The following NEK1 variants were observed in gnomAD, a reference collection of about 807,000 sequenced individuals.
NEK1 encodes NIMA related kinase 1, also known as serine/threonine-protein kinase Nek1.
NEK1 carries 137 observed loss-of-function variants against 182.1 expected under a neutral mutation model. That is an observed-to-expected ratio of 0.75 (90% CI 0.65 to 0.87). The LOEUF is 0.87. Ranked by LOEUF, NEK1 falls within the 40% of genes least tolerant of loss-of-function variation. The pLI is 0.00. For missense variants in NEK1, 1,391 were observed against 1,494.4 expected (o/e 0.93, Z 1.14); for synonymous variants, 513 against 492.2 (o/e 1.04, Z -0.56).
chr4:169,477,810 G>A (rs902540474), intron 24 of NEK1, among the ~76,000 whole-genome samples: 1 of 147,036 alleles, frequency 6.8e-6, no homozygotes, highest in Non-Finnish European at 1.5e-5. Context: ...GAAAATTAGA[G>A]GAAAAAGTAG....
intron 18 of NEK1, among the ~76,000 whole-genome samples, chr4:169,547,446 G>T (rs1037946833): frequency 3.3e-5 from 5 of 152,062 alleles, no homozygotes; most frequent in Non-Finnish European, 7.4e-5. Context: ...TGACAATTAT[G>T]TGTCTTGGGG....
chr4:169,583,705 CA>C (rs1262190004), intron 10 of NEK1, among the ~76,000 whole-genome samples: 1 of 151,900 alleles, frequency 6.6e-6, no homozygotes, highest in Non-Finnish European at 1.5e-5. Flanking sequence ...TAGTGGCTGC[CA>C]AAAAAACAAT....
At chr4:169,607,414 G>C (rs1771531443) in intron 2 of NEK1, among the ~76,000 whole-genome samples, 1 of 152,028 alleles carries the variant, frequency 6.6e-6, no homozygotes, top group Non-Finnish European at 1.5e-5. Context: ...GGATAAAACA[G>C]ATTTTTTAAA....
chr4:169,493,612 A>G (rs954087677), intron 23 of NEK1, among the ~76,000 whole-genome samples: 2 of 152,224 alleles, frequency 1.3e-5, no homozygotes, highest in Non-Finnish European at 2.9e-5. Context: ...AACTTTTGGA[A>G]TTAAAAAACT....
At chr4:169,539,816 A>G (rs573797881) in intron 18 of NEK1, among the ~76,000 whole-genome samples, 2 of 152,236 alleles carry the variant, frequency 1.3e-5, no homozygotes, top group South Asian at 4.1e-4. Context: ...TCTGCTGTGT[A>G]TCCTGATTGT....
intron 35 of NEK1, among the ~76,000 whole-genome samples, chr4:169,396,850 T>C (rs747600699): frequency 6.6e-6 from 1 of 152,008 alleles, no homozygotes; most frequent in Non-Finnish European, 1.5e-5. Flanking sequence ...ACACAGAAAA[T>C]AAAAGTGTGT....
chr4:169,506,893 G>A, intron 23 of NEK1, 144 bp downstream of exon 23: 1 of 433,032 alleles, frequency 2.3e-6, no homozygotes, highest in Non-Finnish European at 4.0e-6. Flanking sequence ...AAAGAGAGAG[G>A]TAATGAGAAA....
intron 12 of NEK1, 160 bp downstream of exon 12, chr4:169,576,768 G>A (rs888626963): frequency 2.3e-5 from 14 of 620,558 alleles, no homozygotes; most frequent in Non-Finnish European, 3.5e-5. Context: ...ACTCCTGTAA[G>A]GCTTCTCAGT....
chr4:169,424,663 C>T lies in NEK1; in HGVS notation c.3112G>A (p.Glu1038Lys). Reference protein sequence around the residue: ...PQVQSVQCSPEESFAFRSHSH... With the variant: ...PQVQSVQCSPKESFAFRSHSH... ...TGAGATCGAAATGCAAAGGATTCTTCTGGTGAACACTGAACTGATTGAACT... is the reference window on the plus strand; with the variant it reads ...TGAGATCGAAATGCAAAGGATTCTTTTGGTGAACACTGAACTGATTGAACT... Residue 1038 changes from glutamate (E) to lysine (K), a missense_variant, in exon 31 of 36, where the codon GAA becomes AAA. Coordinates refer to ENST00000507142, the MANE Select transcript of NEK1 (RefSeq NM_001199397.3). 1 of 1,613,746 alleles carries T rather than the reference C, an allele frequency of 6.2e-7. No individual in the cohort carries two copies. The highest frequency in any genetic ancestry group is 8.5e-7 in the Non-Finnish European group (1 of 1,179,768).
At chr4:169,407,553 C>T (rs1732866578) in intron 31 of NEK1, among the ~76,000 whole-genome samples, 1 of 152,198 alleles carries the variant, frequency 6.6e-6, no homozygotes, top group Non-Finnish European at 1.5e-5. Context: ...AAAAAAAGCA[C>T]AGCTGAGGTG....
At chr4:169,561,174 G>C (rs555042820) in intron 16 of NEK1, among the ~76,000 whole-genome samples, 2 of 152,218 alleles carry the variant, frequency 1.3e-5, no homozygotes, top group East Asian at 3.9e-4. Context: ...ATTACAGAAC[G>C]ATTTTAGGCT....
intron 23 of NEK1, among the ~76,000 whole-genome samples, chr4:169,502,639 C>T (rs1301618821): frequency 6.6e-6 from 1 of 151,896 alleles, no homozygotes; most frequent in Non-Finnish European, 1.5e-5. Flanking sequence ...AATATGATCA[C>T]CTCAATATAC....
chr4:169,597,181 T>C (rs1392611508), intron 5 of NEK1, among the ~76,000 whole-genome samples: 2 of 152,246 alleles, frequency 1.3e-5, no homozygotes, highest in African/African-American at 4.8e-5. Flanking sequence ...GCATTGTATA[T>C]ACTAACATAC....
At chr4:169,495,424 A>G (rs1751042476) in intron 23 of NEK1, among the ~76,000 whole-genome samples, 1 of 151,752 alleles carries the variant, frequency 6.6e-6, no homozygotes, top group Admixed American at 6.6e-5. Context: ...TTGTATTTTT[A>G]GTAGAGACGG....
At chr4:169,474,092 G>C (rs1746517074) in intron 26 of NEK1, among the ~76,000 whole-genome samples, 1 of 152,108 alleles carries the variant, frequency 6.6e-6, no homozygotes, top group Non-Finnish European at 1.5e-5. Context: ...AAAAAGAGAA[G>C]CAGCCACATT....
chr4:169,452,538 C>G (rs997803578), intron 27 of NEK1, among the ~76,000 whole-genome samples: 2 of 152,150 alleles, frequency 1.3e-5, no homozygotes, highest in Admixed American at 6.5e-5. Context: ...TAATCCATCA[C>G]ATAAACAGAA....
At chr4:169,408,263 T>C (rs1166303321) in intron 31 of NEK1, among the ~76,000 whole-genome samples, 1 of 152,168 alleles carries the variant, frequency 6.6e-6, no homozygotes, top group Admixed American at 6.5e-5. Context: ...AAATTTCAAG[T>C]GGTCATGTAA....
chr4:169,600,140 CAAA>C (rs1460593573), intron 4 of NEK1, among the ~76,000 whole-genome samples: 1 of 152,162 alleles, frequency 6.6e-6, no homozygotes, highest in African/African-American at 2.4e-5. Flanking sequence ...TATCACAACT[CAAA>C]GAACAGTTTT....
intron 19 of NEK1, among the ~76,000 whole-genome samples, chr4:169,534,245 G>A (rs1292575835): frequency 1.3e-5 from 2 of 152,148 alleles, no homozygotes; most frequent in African/African-American, 4.8e-5. Context: ...TCAAACACTG[G>A]ACAACAGACA....
Sources: gnomAD v4.1 joint callset for allele counts (sites outside exome capture counted in the v4.1 genomes callset) on GRCh38, gnomAD v4.1.1 for gene constraint, MANE v1.5 for transcripts, NCBI Gene and HGNC (gene_info 2026-07-23, HGNC 2026-07-21) for gene names.